The following ENPP1 variants were observed in gnomAD, a reference collection of about 807,000 sequenced individuals.
The protein encoded by ENPP1 is ectonucleotide pyrophosphatase/phosphodiesterase 1.
A neutral mutation model predicts 122.8 loss-of-function variants in ENPP1; 73 were observed. The ratio of observed to expected loss-of-function variants is 0.59; its 90% confidence interval spans 0.49 to 0.72. The LOEUF is 0.72. Ranked by LOEUF, ENPP1 falls within the 30% of genes least tolerant of loss-of-function variation. The probability of loss-of-function intolerance (pLI) is 0.00; values close to 1 mark genes in which losing one functional copy is unlikely to be tolerated. For missense variants in ENPP1, 978 were observed against 1,128.1 expected (o/e 0.87, Z 1.91); for synonymous variants, 367 against 391.6 (o/e 0.94, Z 0.74).
intron 1 of ENPP1, among the ~76,000 whole-genome samples, chr6:131,811,356 A>ATATATCTATATCTATATATCTATATC (rs1781347629): frequency 2.0e-5 from 3 of 147,476 alleles, no homozygotes; most frequent in Non-Finnish European, 3.0e-5. Context: ...TTAAAAAAAC[A>ATATATCTATATCTATATATCTATATC]TATATCTATA....
intron 7 of ENPP1, among the ~76,000 whole-genome samples, chr6:131,859,376 G>C (rs1208620816): frequency 6.6e-6 from 1 of 151,350 alleles, no homozygotes; most frequent in Non-Finnish European, 1.5e-5. Flanking sequence ...CAAAATTTCA[G>C]AGGCTACCTT....
At chr6:131,853,157 T>G (rs1781902098) in intron 5 of ENPP1, among the ~76,000 whole-genome samples, 1 of 152,156 alleles carries the variant, frequency 6.6e-6, no homozygotes. Context: ...TTTTGTTATA[T>G]GTCTTCTTTT....
rs189002414 is a variant in ENPP1, at chr6:131,894,120, A to G, written c.*3609A>G. On this transcript the variant is annotated 3_prime_UTR_variant, in exon 25 of 25. Coordinates refer to ENST00000647893, the MANE Select transcript of ENPP1 (RefSeq NM_006208.3). ...AGGCACCTGCCGTCACGCCTGGCTA[A>G]TTTTTTGTATTTTTAGTAGAGAATG... 20 of 150,072 alleles carry G rather than the reference A, an allele frequency of 1.3e-4. No individual in the cohort carries two copies. Among genetic ancestry groups the G allele is most frequent in the African/African-American group, 4.7e-4 (19 of 40,760 alleles). The allele number at this position is 150,072 out of a possible 1,614,324, so 9.3% of individuals were successfully genotyped here.
intron 8 of ENPP1, 87 bp downstream of exon 8, chr6:131,860,593 A>C: frequency 3.9e-6 from 4 of 1,015,228 alleles, no homozygotes; most frequent in Non-Finnish European, 6.1e-6. Flanking sequence ...TAGAGCTTTT[A>C]ATAACTGATT....
chr6:131,883,603 A>T (rs1782340093), intron 21 of ENPP1, 91 bp from the exon 22 acceptor site: 1 of 738,856 alleles, frequency 1.4e-6, no homozygotes, highest in Non-Finnish European at 2.4e-6. Context: ...TACTCAGCTA[A>T]TTTTTAAAAA....
intron 1 of ENPP1, chr6:131,827,411 C>T: frequency 1.4e-6 from 1 of 722,228 alleles, no homozygotes; most frequent in South Asian, 1.5e-5. Flanking sequence ...ATCTCCTCAG[C>T]ATCCACCACA....
chr6:131,876,963 A>G, intron 17 of ENPP1, 29 bp from the exon 18 acceptor site: 2 of 1,609,878 alleles, frequency 1.2e-6, no homozygotes, highest in Non-Finnish European at 1.7e-6. Flanking sequence ...GAAACATCTA[A>G]GTAACTCTAC....
chr6:131,889,444 C>G (rs997737122), intron 24 of ENPP1, among the ~76,000 whole-genome samples: 1 of 151,484 alleles, frequency 6.6e-6, no homozygotes, highest in Admixed American at 6.6e-5. Flanking sequence ...TTTATGTGTT[C>G]TCATCCTTCA....
chr6:131,814,093 G>C (rs1056194614), intron 1 of ENPP1, among the ~76,000 whole-genome samples: 6 of 152,174 alleles, frequency 3.9e-5, no homozygotes, highest in African/African-American at 1.4e-4. Context: ...GGAAGACTGA[G>C]TGTGGTTTGC....
In ENPP1 at chr6:131,880,021, C is replaced by T. The variant is rs1782281177; in HGVS notation, c.2087C>T (p.Thr696Ile). The T allele has an allele frequency of 2.5e-6, 4 of 1,613,906 alleles. No individual in the cohort carries two copies. Among genetic ancestry groups the T allele is most frequent in the Non-Finnish European group, 1.7e-6 (2 of 1,179,914 alleles). Reference protein sequence around the residue: ...DILMPLWTSYTVDRNDSFSTE... With the variant: ...DILMPLWTSYIVDRNDSFSTE... ...TTAATGCCCCTTTGGACATCCTATA[C>T]CGTGGACAGAAATGCAAGTATTTGT... The change falls in exon 20 of 25, where the codon ACC becomes ATC. Residue 696 changes from threonine to isoleucine, a missense_variant. Coordinates refer to ENST00000647893, the MANE Select transcript of ENPP1 (RefSeq NM_006208.3).
At position 131,847,802 on chromosome 6, in the gene ENPP1, A is replaced by G. The variant is rs1374381493; in HGVS notation, c.267A>G (p.Thr89=). The G allele has an allele frequency of 1.2e-6, 2 of 1,612,010 alleles. No homozygotes were observed. Among genetic ancestry groups the G allele is most frequent in the Non-Finnish European group, 1.7e-6 (2 of 1,179,222 alleles). ...SLVLSVCVLT[T]ILGCIFGLKP... ...TATTGTCAGTATGTGTGTTAACAAC[A>G]ATACTTGGTTGTATATTTGGGTTGA... The change falls in exon 2 of 25, where the codon ACA becomes ACG. Residue 89 remains threonine (T), a synonymous_variant. Transcript: ENST00000647893.
intron 1 of ENPP1, among the ~76,000 whole-genome samples, chr6:131,845,293 C>T (rs751458226): frequency 2.6e-5 from 4 of 151,244 alleles, no homozygotes; most frequent in Non-Finnish European, 4.4e-5. Flanking sequence ...GGCCTCCCAG[C>T]GTGCTGGGAT....
rs9493107 is a variant in ENPP1, at chr6:131,826,442, A to G, written c.240+18167A>G. ...TCTAGGTTAGATAATGCCCCAGTTTATCCAGGAATGTAAGTAATGTTATTG... is the reference window on the plus strand; with the variant it reads ...TCTAGGTTAGATAATGCCCCAGTTTGTCCAGGAATGTAAGTAATGTTATTG... On this transcript the variant is annotated intron_variant, in intron 1 of 24. Transcript: ENST00000647893. 75 of 939,006 alleles carry G rather than the reference A, an allele frequency of 8.0e-5. No individual in the cohort carries two copies. The African/African-American group carries it at 1.1e-3, about 14-fold the overall frequency. The allele number at this position is 939,006 out of a possible 1,614,324, so 58.2% of individuals were successfully genotyped here. A position where few individuals can be genotyped will look rare whatever the true frequency, so the allele number is the denominator to read the frequency against.
At chr6:131,837,441 G>A (rs764463691) in intron 1 of ENPP1, among the ~76,000 whole-genome samples, 6 of 144,534 alleles carry the variant, frequency 4.2e-5, no homozygotes, top group Admixed American at 1.5e-4. Context: ...CAGGAGAATC[G>A]TTTGAACCTG....
At chr6:131,826,388 CAATATT>C (rs1781546484) in intron 1 of ENPP1, 5 of 997,612 alleles carry the variant, frequency 5.0e-6, no homozygotes, top group African/African-American at 1.6e-5. Context: ...GGCAGATTCT[CAATATT>C]AATAGGACCC....
At chr6:131,884,633 G>C (rs527951115) in intron 22 of ENPP1, among the ~76,000 whole-genome samples, 2 of 152,154 alleles carry the variant, frequency 1.3e-5, no homozygotes, top group African/African-American at 4.8e-5. Context: ...TAATTAGCTG[G>C]GCATGGTGAT....
chr6:131,810,755 G>A (rs1781340168), intron 1 of ENPP1, among the ~76,000 whole-genome samples: 1 of 152,174 alleles, frequency 6.6e-6, no homozygotes, highest in Non-Finnish European at 1.5e-5. Flanking sequence ...AGGCAATCAT[G>A]TTGCAGTGGC....
At chr6:131,869,874 A>AG (rs1782139574) in intron 13 of ENPP1, among the ~76,000 whole-genome samples, 1 of 151,160 alleles carries the variant, frequency 6.6e-6, no homozygotes. Flanking sequence ...AAAAAAAAAA[A>AG]AAGAATACCT....
At chr6:131,833,770 A>G (rs185776709) in intron 1 of ENPP1, among the ~76,000 whole-genome samples, 177 of 152,354 alleles carry the variant, frequency 1.2e-3, no homozygotes, top group African/African-American at 4.0e-3. Context: ...ATAGATAAAG[A>G]CCACAAAAAC....
Sources: allele counts gnomAD v4.1 joint callset (sites outside exome capture counted in the v4.1 genomes callset), GRCh38; gene constraint gnomAD v4.1.1; transcripts MANE v1.5; gene names NCBI Gene and HGNC (gene_info 2026-07-23, HGNC 2026-07-21).